PSG1: variants seen among roughly 807,000 people sequenced by gnomAD.
PSG1 encodes pregnancy-specific beta-1-glycoprotein 1.
PSG1 carries 60 observed loss-of-function variants against 41.4 expected under a neutral mutation model. The observed-to-expected ratio is 1.45, with a 90% confidence interval of 1.18 to 1.80. The LOEUF (loss-of-function observed/expected upper bound fraction) is 1.80, where lower values mean the gene tolerates loss of function less well. PSG1 is among the 40% of genes most tolerant of loss of function. PSG1 has a pLI of 0.00. For synonymous variants in PSG1, 256 were observed against 192.9 expected, an observed-to-expected ratio of 1.33 and a Z score of -2.71; for missense variants, 806 against 516.9, an observed-to-expected ratio of 1.56 and a Z score of -5.42.
At chr19:42,872,237 T>C (rs994047940) in intron 2 of PSG1, among the ~76,000 whole-genome samples, 192 bp from the exon 3 acceptor site, 33 of 151,542 alleles carry the variant, frequency 2.2e-4, no homozygotes, top group Admixed American at 6.6e-5. Flanking sequence ...GCCTGCTTCA[T>C]GTGGGAGAAG....
In PSG1 at chr19:42,868,211, T is replaced by G. The variant is rs755684774; in HGVS notation, c.1133A>C (p.Lys378Thr). 3.1e-6 allele frequency: 5 copies of G among 1,612,374 alleles called. No individual in the cohort carries two copies. The highest frequency in any genetic ancestry group is 3.4e-6 in the Non-Finnish European group (4 of 1,179,118). ...TGTAGTAATATGGCGGATAAAGAGC[T>G]TTTGTCCTGGTAGCTGAAACTTTTC... ...INEKFQLPGQKLFIRHITTKH... is the reference protein window; with the variant it reads ...INEKFQLPGQTLFIRHITTKH... Residue 378 changes from lysine to threonine, a missense_variant, in exon 5 of 6, where the codon AAG becomes ACG. Transcript: ENST00000436291.
intron 2 of PSG1, among the ~76,000 whole-genome samples, chr19:42,876,331 TC>T (rs1033418010): frequency 7.9e-5 from 12 of 151,268 alleles, no homozygotes; most frequent in Middle Eastern, 3.4e-3. Context: ...CAAGGAGCCC[TC>T]GAGAACCCTC....
intron 2 of PSG1, among the ~76,000 whole-genome samples, chr19:42,876,458 A>G (rs936081955): frequency 5.9e-5 from 9 of 151,342 alleles, no homozygotes; most frequent in African/African-American, 1.9e-4. Context: ...GTGTGGCTAG[A>G]ACCTCCTAGG....
chr19:42,870,716 A>C lies in PSG1; in HGVS notation c.709+1051T>G, dbSNP rs371327915. The C allele has an allele frequency of 7.9e-5, 12 of 151,798 alleles. No individual in the cohort carries two copies. In the East Asian group the frequency reaches 2.3e-3, roughly 29 times the overall value. 9.4% of individuals were successfully genotyped at this position (151,798 alleles called of 1,614,324 possible). A position where few individuals can be genotyped will look rare whatever the true frequency, so the allele number is the denominator to read the frequency against. ...TAATGTTGTCTTTCTAACAATATTG[A>C]TTCTTCCAATCCATGAAAATGAAAT... On this transcript the variant is annotated intron_variant, in intron 3 of 5. Transcript: ENST00000436291.
At chr19:42,878,346 G>T (rs540693689) in intron 1 of PSG1, 68 bp from the exon 2 acceptor site, 12 of 1,534,234 alleles carry the variant, frequency 7.8e-6, no homozygotes, top group East Asian at 6.8e-5. Context: ...TGGGGCCCTG[G>T]GTCCTGAGAA....
At position 42,868,603 on chromosome 19, in the gene PSG1, C is replaced by T. The variant is rs965553046; in HGVS notation, c.988+153G>A. On this transcript the variant is annotated intron_variant, in intron 4 of 5. Coordinates refer to ENST00000436291, the MANE Select transcript of PSG1 (RefSeq NM_001184825.2). ...TATTCTTGGTTAAGGCTGTGCCTACCCAGGATTTCCCAGGGCAGGGAGTCA... is the reference window on the plus strand; with the variant it reads ...TATTCTTGGTTAAGGCTGTGCCTACTCAGGATTTCCCAGGGCAGGGAGTCA... Among the ~76,000 whole-genome samples, 5 of 151,320 alleles carry T rather than the reference C, an allele frequency of 3.3e-5. No homozygotes were observed. The Admixed American group carries it at 3.3e-4, about 10-fold the overall frequency.
At position 42,873,407 on chromosome 19, in the gene PSG1, G is replaced by A. The variant is rs1474675939; in HGVS notation, c.431-1362C>T. Among the ~76,000 whole-genome samples the A allele has an allele frequency of 5.3e-5, 8 of 151,544 alleles. 1 individual carries two copies. In the East Asian group the frequency reaches 7.7e-4, roughly 15 times the overall value. On this transcript the variant is annotated intron_variant, in intron 2 of 5. Transcript: ENST00000436291. ...TCAGATTGTGGATTTCTGGATTTCC[G>A]ATGCTCAATTTGTAACAGTGTAATT...
chr19:42,876,040 A>T (rs1465779123), intron 2 of PSG1, among the ~76,000 whole-genome samples: 1 of 151,242 alleles, frequency 6.6e-6, no homozygotes, highest in Non-Finnish European at 1.5e-5. Context: ...ACTCCAGATG[A>T]TTTCTGTGCC....
chr19:42,879,607 T>C lies in PSG1; in HGVS notation c.-26A>G. ...GGTCTCTGCTGCTTGTGTGTTCTCCTCTGTGGAGATAAGCCTAGGATCCAG... is the reference window on the plus strand; with the variant it reads ...GGTCTCTGCTGCTTGTGTGTTCTCCCCTGTGGAGATAAGCCTAGGATCCAG... On this transcript the variant is annotated 5_prime_UTR_variant, in exon 1 of 6. Coordinates refer to ENST00000436291, the MANE Select transcript of PSG1 (RefSeq NM_001184825.2). The C allele has an allele frequency of 1.9e-6, 3 of 1,608,456 alleles. No individual in the cohort carries two copies. The highest frequency in any genetic ancestry group is 1.7e-4 in the Middle Eastern group (1 of 6,038).
intron 2 of PSG1, among the ~76,000 whole-genome samples, chr19:42,874,604 G>T (rs1036971074): frequency 5.3e-5 from 8 of 151,818 alleles, no homozygotes; most frequent in African/African-American, 1.9e-4. Context: ...GCCTCCCAAA[G>T]TGCTGGGATT....
At chr19:42,876,362 G>A (rs568486320) in intron 2 of PSG1, among the ~76,000 whole-genome samples, 11 of 151,486 alleles carry the variant, frequency 7.3e-5, no homozygotes, top group Admixed American at 6.6e-4. Flanking sequence ...AAGAGCTTCA[G>A]AATTACATGA....
At position 42,878,290 on chromosome 19, in the gene PSG1, A is replaced by G; in HGVS notation, c.65-12T>C. ...GTTTAAAAGTGATGCTAGGAGGTGG[A>G]GAGAACATCAGTCAATATTGAGACC... On this transcript the variant is annotated splice_polypyrimidine_tract_variant and intron_variant, in intron 1 of 5. Coordinates refer to ENST00000436291, the MANE Select transcript of PSG1 (RefSeq NM_001184825.2). The G allele has an allele frequency of 6.3e-7, 1 of 1,597,470 alleles. No homozygotes were observed. The highest frequency in any genetic ancestry group is 1.7e-5 in the Admixed American group (1 of 58,732).
chr19:42,876,899 G>C (rs572864383), intron 2 of PSG1: 2 of 152,454 alleles, frequency 1.3e-5, no homozygotes, highest in South Asian at 4.2e-4. Context: ...TGGTGGAGTA[G>C]AGGATGGGCC....
rs576891435 is a variant in PSG1 at position 42,869,290 on chromosome 19, C to G, written c.710-256G>C. 1.7e-5 allele frequency: 13 copies of G among 779,318 alleles called. No homozygotes were observed. The East Asian group carries it at 2.6e-4, about 16-fold the overall frequency. The allele number at this position is 779,318 out of a possible 1,614,324, so 48.3% of individuals were successfully genotyped here. On this transcript the variant is annotated intron_variant, in intron 3 of 5. Coordinates refer to ENST00000436291, the MANE Select transcript of PSG1 (RefSeq NM_001184825.2). ...AGCAGTGTTGGGTCATGGACAGACA[C>G]GTCAGTGGGAGTCACAGCCCCTGGT... is the stretch of plus-strand genomic sequence containing the variant.
At position 42,867,998 on chromosome 19, in the gene PSG1, A is replaced by T. The variant is rs563131809; in HGVS notation, c.1243+103T>A. On this transcript the variant is annotated intron_variant, in intron 5 of 5. Transcript: ENST00000436291. ...GAGAATTTGGGATTTGCTTGTGCCCATGGGACACAGGCTGGGAATACAATT... is the reference window on the plus strand; with the variant it reads ...GAGAATTTGGGATTTGCTTGTGCCCTTGGGACACAGGCTGGGAATACAATT... 8.1e-6 allele frequency: 13 copies of T among 1,607,600 alleles called. 1 individual carries two copies.
chr19:42,872,861 C>G (rs1971452733), intron 2 of PSG1, among the ~76,000 whole-genome samples: 7 of 151,856 alleles, frequency 4.6e-5, no homozygotes, highest in Admixed American at 4.6e-4. Flanking sequence ...AAATGCAGAA[C>G]TGACTGGTGG....
intron 1 of PSG1, among the ~76,000 whole-genome samples, chr19:42,879,167 T>A (rs1291795872): frequency 2.0e-5 from 3 of 150,088 alleles, no homozygotes; most frequent in Non-Finnish European, 4.4e-5. Context: ...CTTTTTTTTT[T>A]TTTGAGATGG....
chr19:42,874,122 A>T (rs1284903914), intron 2 of PSG1: 3 of 151,764 alleles, frequency 2.0e-5, no homozygotes, highest in African/African-American at 7.3e-5. Flanking sequence ...TGTACATTAC[A>T]GTCTTTGTAG....
Position 42,877,829 on chromosome 19 carries a change from G to A in PSG1, c.430+84C>T, listed in dbSNP as rs373580010. ...CATAACGCAGTGAGTGACACAGGCAGAGTCCAGGCCTGACAATCCTGTGTG... is the reference window on the plus strand; with the variant it reads ...CATAACGCAGTGAGTGACACAGGCAAAGTCCAGGCCTGACAATCCTGTGTG... On this transcript the variant is annotated intron_variant, in intron 2 of 5. Coordinates refer to ENST00000436291, the MANE Select transcript of PSG1 (RefSeq NM_001184825.2). 3.1e-6 allele frequency: 5 copies of A among 1,605,460 alleles called. No homozygotes were observed. The African/African-American group carries it at 5.4e-5, about 17-fold the overall frequency.
Sources: gnomAD v4.1 joint callset for allele counts (sites outside exome capture counted in the v4.1 genomes callset) on GRCh38, gnomAD v4.1.1 for gene constraint, MANE v1.5 for transcripts, NCBI Gene and HGNC (gene_info 2026-07-23, HGNC 2026-07-21) for gene names.